The following ARHGEF10L variants were observed in gnomAD, a reference collection of about 807,000 sequenced individuals.
ARHGEF10L encodes Rho guanine nucleotide exchange factor 10 like.
A neutral mutation model predicts 141.2 loss-of-function variants in ARHGEF10L; 69 were observed. The observed-to-expected ratio is 0.49, with a 90% CI of 0.40 to 0.60. ARHGEF10L has a LOEUF of 0.60. Among genes scored for constraint, ARHGEF10L ranks in the 20% least tolerant of loss-of-function variants. The pLI, the probability that ARHGEF10L is intolerant of heterozygous loss-of-function variation, is 0.00. For missense variants in ARHGEF10L, 1,482 were observed against 1,734.3 expected (o/e 0.85, Z 2.58); for synonymous variants, 711 against 718.5 (o/e 0.99, Z 0.17).
At chr1:17,622,916 G>T in intron 11 of ARHGEF10L, 80 bp from the exon 12 acceptor site, 1 of 1,474,298 alleles carries the variant, frequency 6.8e-7, no homozygotes, top group Non-Finnish European at 9.1e-7. Context: ...CCCATTCATG[G>T]CTGGCCGAGT....
chr1:17,629,824 C>T (rs918851563), intron 15 of ARHGEF10L, among the ~76,000 whole-genome samples: 1 of 152,228 alleles, frequency 6.6e-6, no homozygotes, highest in East Asian at 1.9e-4. Context: ...ACCTTCGGCT[C>T]CCTCTTCGGT....
chr1:17,616,532 C>G (rs944607186), intron 9 of ARHGEF10L, among the ~76,000 whole-genome samples: 12 of 152,350 alleles, frequency 7.9e-5, no homozygotes, highest in Non-Finnish European at 1.8e-4. Context: ...GTTCCTGTTC[C>G]CTCCTTCCTT....
At chr1:17,597,313 G>A (rs1189073969) in intron 4 of ARHGEF10L, among the ~76,000 whole-genome samples, 6 of 152,158 alleles carry the variant, frequency 3.9e-5, no homozygotes, top group Non-Finnish European at 8.8e-5. Flanking sequence ...CCCTGAAGGA[G>A]TGTTTGTTCA....
At chr1:17,641,271 G>GT (rs1049830637) in intron 21 of ARHGEF10L, among the ~76,000 whole-genome samples, 9 of 152,140 alleles carry the variant, frequency 5.9e-5, no homozygotes, top group Non-Finnish European at 1.2e-4. Flanking sequence ...TAGCAGGAAC[G>GT]TTTTTTTATT....
intron 4 of ARHGEF10L, among the ~76,000 whole-genome samples, chr1:17,595,100 G>T (rs1366903322): frequency 1.3e-5 from 2 of 151,818 alleles, no homozygotes; most frequent in Non-Finnish European, 2.9e-5. Flanking sequence ...TAGACTAAAA[G>T]CAACTTTTAA....
chr1:17,514,682 T>C, the ARHGEF10L span, among the ~76,000 whole-genome samples: 1 of 152,236 alleles, frequency 6.6e-6, no homozygotes, highest in African/African-American at 2.4e-5. Context: ...ATCAGAAGAT[T>C]TAGAAAGATG....
At chr1:17,518,193 T>C in the ARHGEF10L span, among the ~76,000 whole-genome samples, 30 of 152,332 alleles carry the variant, frequency 2.0e-4, no homozygotes, top group South Asian at 3.1e-3. Context: ...ATTTGGCCCA[T>C]GGGCCATAGT....
At chr1:17,683,131 C>T (rs1372354028) in intron 26 of ARHGEF10L, among the ~76,000 whole-genome samples, 10 of 144,126 alleles carry the variant, frequency 6.9e-5, no homozygotes, top group South Asian at 4.6e-4. Context: ...GCTCACTGCC[C>T]CCTGCTCTCA....
intron 21 of ARHGEF10L, among the ~76,000 whole-genome samples, chr1:17,646,621 C>T (rs2061616539): frequency 6.6e-6 from 1 of 152,152 alleles, no homozygotes. Flanking sequence ...AAGAGCCACA[C>T]TGGTGGAGGA....
chr1:17,591,681 G>A (rs2079558410), intron 4 of ARHGEF10L, among the ~76,000 whole-genome samples: 1 of 151,874 alleles, frequency 6.6e-6, no homozygotes. Flanking sequence ...CAAAGTGCAG[G>A]GATTATAGGC....
intron 1 of ARHGEF10L, among the ~76,000 whole-genome samples, chr1:17,572,241 C>T (rs1300625857): frequency 3.3e-5 from 5 of 152,242 alleles, no homozygotes; most frequent in Admixed American, 3.3e-4. Context: ...ACGCCTTGTA[C>T]TGGGTCCATT....
Position 17,607,714 on chromosome 1 carries a change from A to C in ARHGEF10L, c.434-88A>C, listed in dbSNP as rs1248282367. 8.2e-6 allele frequency: 11 copies of C among 1,345,056 alleles called. No homozygotes were observed. The highest frequency in any genetic ancestry group is 2.7e-4 in the Middle Eastern group (1 of 3,662). 83.3% of individuals were successfully genotyped at this position (1,345,056 alleles called of 1,614,324 possible). A position where few individuals can be genotyped will look rare whatever the true frequency, so the allele number is the denominator to read the frequency against. ...GTTCTCCCTGACCCCCCCTCGCCCC[A>C]CCTGGGTTCAGAAATTGGGTCTGAG... On this transcript the variant is annotated intron_variant, in intron 6 of 28. Transcript: ENST00000361221. The surrounding 1 kb of genome is among the most constrained non-coding windows in gnomAD (Gnocchi z 4.5).
intron 9 of ARHGEF10L, among the ~76,000 whole-genome samples, chr1:17,617,243 G>A (rs939994938): frequency 5.9e-5 from 9 of 152,226 alleles, no homozygotes; most frequent in African/African-American, 2.2e-4. Flanking sequence ...GGTCAGATTT[G>A]ATCAATTGAT....
At chr1:17,589,616 G>A (rs953465613) in intron 4 of ARHGEF10L, among the ~76,000 whole-genome samples, 5 of 152,190 alleles carry the variant, frequency 3.3e-5, no homozygotes, top group African/African-American at 1.2e-4. Context: ...GACTTGGGGA[G>A]GGTTTCTCCT....
chr1:17,671,239 CG>C, intron 26 of ARHGEF10L, among the ~76,000 whole-genome samples: 1 of 152,044 alleles, frequency 6.6e-6, no homozygotes, highest in Admixed American at 6.5e-5. Context: ...AGGTGAGATT[CG>C]GGGGGTTAGG....
chr1:17,646,571 C>G (rs887120783), intron 21 of ARHGEF10L, among the ~76,000 whole-genome samples: 1 of 152,154 alleles, frequency 6.6e-6, no homozygotes, highest in African/African-American at 2.4e-5. Context: ...TGTGCACACA[C>G]ACGCACGCGT....
chr1:17,651,508 C>T (rs2061934192), intron 22 of ARHGEF10L, among the ~76,000 whole-genome samples: 2 of 152,200 alleles, frequency 1.3e-5, no homozygotes, highest in Non-Finnish European at 1.5e-5. Flanking sequence ...CCTTGGGTCT[C>T]TTGAGAGCAC....
the ARHGEF10L span, among the ~76,000 whole-genome samples, chr1:17,533,807 G>A: frequency 1.3e-5 from 2 of 152,104 alleles, no homozygotes; most frequent in Non-Finnish European, 2.9e-5. Context: ...ACGTGACCTA[G>A]TCTCTCTTTG....
In ARHGEF10L at chr1:17,648,782, G is replaced by T. The variant is rs564348889; in HGVS notation, c.2394+107G>T. On this transcript the variant is annotated intron_variant, in intron 22 of 28. Coordinates refer to ENST00000361221, the MANE Select transcript of ARHGEF10L (RefSeq NM_018125.4). ...AGCGCCCACAGCAGGGAAGGCTCAG[G>T]TTCCAGCTGTGGCTTCTAAATTCTT... 11 of 1,431,460 alleles carry T rather than the reference G, an allele frequency of 7.7e-6. No homozygotes were observed. The South Asian group carries it at 1.4e-4, about 19-fold the overall frequency. 88.7% of individuals were successfully genotyped at this position (1,431,460 alleles called of 1,614,324 possible).
Sources: gnomAD v4.1 joint callset for allele counts (sites outside exome capture counted in the v4.1 genomes callset) on GRCh38, gnomAD v4.1.1 for gene constraint, Gnocchi (gnomAD v3.1) non-coding constraint, MANE v1.5 for transcripts, NCBI Gene and HGNC (gene_info 2026-07-23, HGNC 2026-07-21) for gene names.